The following ZSWIM6 variants were observed in gnomAD, a reference collection of about 807,000 sequenced individuals.
ZSWIM6 encodes zinc finger SWIM-type containing 6.
ZSWIM6 carries 9 observed loss-of-function variants against 113.2 expected under a neutral mutation model. The observed-to-expected ratio is 0.08, with a 90% confidence interval of 0.05 to 0.14. ZSWIM6 has a LOEUF of 0.14. Among genes scored for constraint, ZSWIM6 ranks in the 10% least tolerant of loss-of-function variants. The probability of loss-of-function intolerance (pLI) is 1.00; values close to 1 mark genes in which losing one functional copy is unlikely to be tolerated. For missense variants in ZSWIM6, 1,162 were observed against 1,552.2 expected (o/e 0.75, Z 4.22); for synonymous variants, 611 against 606.5 (o/e 1.01, Z -0.11).
In ZSWIM6 at chr5:61,466,849, A is replaced by G. The variant is rs1458600445; in HGVS notation, c.677-5832A>G. On this transcript the variant is annotated intron_variant, in intron 1 of 13. Transcript: ENST00000252744. ...ATATGCAACTAAAATTTAACCTAAG[A>G]TATGAAAAATATGTTAAGAAAAGCT... 2.0e-5 allele frequency among the ~76,000 whole-genome samples: 3 copies of G among 152,194 alleles called. No individual in the cohort carries two copies. In the East Asian group the frequency reaches 5.8e-4, roughly 29 times the overall value.
intron 1 of ZSWIM6, among the ~76,000 whole-genome samples, chr5:61,440,120 T>TG: frequency 6.6e-6 from 1 of 151,382 alleles, no homozygotes; most frequent in Middle Eastern, 3.4e-3. Context: ...GTAGGAAAGG[T>TG]GAAAAAAAAA....
At chr5:61,431,472 G>A (rs949352180) in intron 1 of ZSWIM6, among the ~76,000 whole-genome samples, 8 of 149,702 alleles carry the variant, frequency 5.3e-5, no homozygotes, top group Non-Finnish European at 8.9e-5. Context: ...CTGGCTGGGC[G>A]CAGTAGCTCA....
intron 1 of ZSWIM6, among the ~76,000 whole-genome samples, chr5:61,462,504 A>G (rs535658677): frequency 9.1e-4 from 139 of 152,342 alleles, no homozygotes; most frequent in African/African-American, 3.2e-3. Context: ...CGGCAGTTCT[A>G]TTAGTTTGGA....
intron 2 of ZSWIM6, among the ~76,000 whole-genome samples, chr5:61,489,775 G>A (rs1185160907): frequency 6.6e-6 from 1 of 152,050 alleles, no homozygotes; most frequent in African/African-American, 2.4e-5. Context: ...TAAATATGCT[G>A]ACTGGCTGAA....
In ZSWIM6 at chr5:61,399,593, T is replaced by C. The variant is rs570927866; in HGVS notation, c.676+66645T>C. On this transcript the variant is annotated intron_variant, in intron 1 of 13. Coordinates refer to ENST00000252744, the MANE Select transcript of ZSWIM6 (RefSeq NM_020928.2). ...AAAGCCCTCAGAGCTAAATTCTTAG[T>C]GGGGACACATGTACAGTATCAGTGT... 1.9e-3 allele frequency among the ~76,000 whole-genome samples: 291 copies of C among 152,278 alleles called. 1 individual carries two copies. The highest frequency in any genetic ancestry group is 6.4e-3 in the African/African-American group (268 of 41,562).
At chr5:61,369,486 G>T (rs768422510) in intron 1 of ZSWIM6, among the ~76,000 whole-genome samples, 5 of 152,226 alleles carry the variant, frequency 3.3e-5, no homozygotes, top group African/African-American at 1.2e-4. Flanking sequence ...GTTGGCTACA[G>T]TTGAGTATTC....
intron 4 of ZSWIM6, among the ~76,000 whole-genome samples, chr5:61,502,028 C>T (rs1748482134): frequency 1.3e-5 from 2 of 152,110 alleles, no homozygotes; most frequent in South Asian, 4.1e-4. Context: ...AGAGTACTAT[C>T]ATGGTAGGGT....
chr5:61,410,790 A>G (rs966153374), intron 1 of ZSWIM6, among the ~76,000 whole-genome samples: 2 of 152,342 alleles, frequency 1.3e-5, no homozygotes, highest in East Asian at 1.9e-4. Flanking sequence ...GCCAACAGGA[A>G]TATTTGACAG....
chr5:61,417,077 G>C (rs913820096), intron 1 of ZSWIM6, among the ~76,000 whole-genome samples: 1 of 152,190 alleles, frequency 6.6e-6, no homozygotes, highest in African/African-American at 2.4e-5. Context: ...GGGAGGTGGA[G>C]GTTGCAGTGA....
intron 1 of ZSWIM6, among the ~76,000 whole-genome samples, chr5:61,428,302 T>C (rs1044363973): frequency 6.6e-6 from 1 of 152,222 alleles, no homozygotes; most frequent in South Asian, 2.1e-4. Flanking sequence ...TTTGGTTCTC[T>C]TAACTGAAGT....
intron 7 of ZSWIM6, 28 bp from the exon 8 acceptor site, chr5:61,530,024 C>T (rs1175980358): frequency 6.6e-7 from 1 of 1,524,818 alleles, no homozygotes; most frequent in Non-Finnish European, 8.9e-7. Context: ...TCTACTCCCC[C>T]ATTTCTCAAT....
intron 1 of ZSWIM6, among the ~76,000 whole-genome samples, chr5:61,412,427 T>C (rs1405075710): frequency 6.6e-6 from 1 of 152,206 alleles, no homozygotes; most frequent in African/African-American, 2.4e-5. Flanking sequence ...ATCTTCCCTT[T>C]CCATTTCCTT....
intron 4 of ZSWIM6, among the ~76,000 whole-genome samples, chr5:61,515,854 G>A (rs570411486): frequency 2.6e-5 from 4 of 152,144 alleles, no homozygotes; most frequent in East Asian, 1.9e-4. Context: ...AGGTGCAGCC[G>A]AGTCATCTGG....
At chr5:61,362,251 T>C (rs1380089891) in intron 1 of ZSWIM6, among the ~76,000 whole-genome samples, 1 of 152,046 alleles carries the variant, frequency 6.6e-6, no homozygotes, top group African/African-American at 2.4e-5. Flanking sequence ...CAGGCTGGAA[T>C]GCAATGGCCC....
chr5:61,525,496 C>G (rs1749250593), intron 5 of ZSWIM6, among the ~76,000 whole-genome samples: 1 of 152,086 alleles, frequency 6.6e-6, no homozygotes, highest in East Asian at 1.9e-4. Flanking sequence ...CTGAGTGGCT[C>G]CTTTGAGTGT....
At chr5:61,372,376 G>A (rs1183988054) in intron 1 of ZSWIM6, among the ~76,000 whole-genome samples, 1 of 150,834 alleles carries the variant, frequency 6.6e-6, no homozygotes, top group Non-Finnish European at 1.5e-5. Flanking sequence ...ACTTTGGTCT[G>A]CCCCAGCACT....
chr5:61,456,996 C>T (rs1231893587), intron 1 of ZSWIM6, among the ~76,000 whole-genome samples: 1 of 151,338 alleles, frequency 6.6e-6, no homozygotes, highest in Non-Finnish European at 1.5e-5. Context: ...TGCTGGTGCG[C>T]TGCACCCACT....
chr5:61,490,754 C>T (rs1422252494), intron 2 of ZSWIM6, 32 bp from the exon 3 acceptor site: 2 of 1,539,314 alleles, frequency 1.3e-6, no homozygotes, highest in African/African-American at 1.4e-5. Flanking sequence ...TTTATCTAGC[C>T]TGTGTGTTAT....
Position 61,544,558 on chromosome 5 carries a change from T to C in ZSWIM6, c.*241T>C. The stretch of plus-strand genomic sequence containing the variant: ...TTTTTTAATTTTTTTTTTCTGGTTT[T>C]GTATGAGAGAGAGGTTAAAAAGGTT... On this transcript the variant is annotated 3_prime_UTR_variant, in exon 14 of 14. Coordinates refer to ENST00000252744, the MANE Select transcript of ZSWIM6 (RefSeq NM_020928.2). The C allele has an allele frequency of 4.9e-6, 1 of 204,336 alleles. No homozygotes were observed. Among genetic ancestry groups the C allele is most frequent in the Non-Finnish European group, 9.7e-6 (1 of 102,606 alleles). The allele number at this position is 204,336 out of a possible 1,614,324, so 12.7% of individuals were successfully genotyped here. A position where few individuals can be genotyped will look rare whatever the true frequency, so the allele number is the denominator to read the frequency against.
Sources: gnomAD v4.1 joint callset for allele counts (sites outside exome capture counted in the v4.1 genomes callset) on GRCh38, gnomAD v4.1.1 for gene constraint, MANE v1.5 for transcripts, NCBI Gene and HGNC (gene_info 2026-07-23, HGNC 2026-07-21) for gene names.